ABCA13: variants seen among roughly 807,000 people sequenced by gnomAD.
The protein encoded by ABCA13 is ATP-binding cassette sub-family A member 13.
In ABCA13, 476 loss-of-function variants were observed where a neutral mutation model predicts 478.7. The observed-to-expected ratio is 0.99, with a 90% CI of 0.92 to 1.07. The LOEUF (loss-of-function observed/expected upper bound fraction) is 1.07, where lower values mean the gene tolerates loss of function less well. Ranked by LOEUF, ABCA13 falls within the 50% of genes least tolerant of loss-of-function variation. The pLI, the probability that ABCA13 is intolerant of heterozygous loss-of-function variation, is 0.00. For missense variants in ABCA13, 6,060 were observed against 5,910.6 expected (o/e 1.03, Z -0.83); for synonymous variants, 2,252 against 2,158.9 (o/e 1.04, Z -1.20).
rs766527119 is a variant in ABCA13 at position 48,455,137 on chromosome 7, C to T, written c.12666C>T (p.Ala4222=). 1.3e-6 allele frequency: 2 copies of T among 1,572,106 alleles called. No homozygotes were observed. Among genetic ancestry groups the T allele is most frequent in the Non-Finnish European group, 8.6e-7 (1 of 1,159,154 alleles). ...LARRLRRTLR[A]GKSTLADLLL... ...GGAGGCTCCGCCGCACGCTGCGCGC[C>T]GGGAAGAGCACCCTCGCCGACCTGC... is the stretch of plus-strand genomic sequence containing the variant. The change falls in exon 43 of 62, where the codon GCC becomes GCT. Residue 4222 remains alanine (A), a synonymous_variant. Coordinates refer to ENST00000435803, the MANE Select transcript of ABCA13 (RefSeq NM_152701.5).
Position 48,318,750 on chromosome 7 carries a change from G to C in ABCA13, c.9999+1454G>C, listed in dbSNP as rs965809191. On this transcript the variant is annotated intron_variant, in intron 27 of 61. Transcript: ENST00000435803. ...TTCCTTAGTGTAGTAAGCTTTTTAG[G>C]GTTTTGGATATTTAAGGAATTTCAC... Among the ~76,000 whole-genome samples, 3 of 151,656 alleles carry C rather than the reference G, an allele frequency of 2.0e-5. No homozygotes were observed. The East Asian group carries it at 5.8e-4, about 29-fold the overall frequency.
intron 39 of ABCA13, chr7:48,404,153 ATT>A: frequency 2.6e-6 from 1 of 380,100 alleles, no homozygotes. Flanking sequence ...TTCAAGGAAA[ATT>A]GTCTTCTTCT....
intron 27 of ABCA13, among the ~76,000 whole-genome samples, chr7:48,328,551 A>T (rs994513008): frequency 1.3e-5 from 2 of 152,314 alleles, no homozygotes; most frequent in Middle Eastern, 6.8e-3. Flanking sequence ...CTGTGAGACT[A>T]GATAATATCC....
intron 43 of ABCA13, among the ~76,000 whole-genome samples, chr7:48,455,792 G>A (rs73105512): frequency 7.2e-5 from 11 of 152,350 alleles, no homozygotes; most frequent in East Asian, 1.9e-4. Flanking sequence ...CCCAGGCTGG[G>A]GTCAATTGAG....
At chr7:48,462,729 G>A (rs1275126947) in intron 43 of ABCA13, among the ~76,000 whole-genome samples, 3 of 152,166 alleles carry the variant, frequency 2.0e-5, no homozygotes, top group African/African-American at 2.4e-5. Flanking sequence ...GGCTGGTCGC[G>A]AACTCCTGAC....
At chr7:48,232,725 A>G (rs1789339588) in intron 7 of ABCA13, among the ~76,000 whole-genome samples, 2 of 152,284 alleles carry the variant, frequency 1.3e-5, no homozygotes, top group South Asian at 4.1e-4. Context: ...AAGATTTTAT[A>G]CTTTTATAAG....
At chr7:48,591,060 A>G (rs1585905471) in intron 57 of ABCA13, among the ~76,000 whole-genome samples, 1 of 149,826 alleles carries the variant, frequency 6.7e-6, no homozygotes, top group Non-Finnish European at 1.5e-5. Context: ...GCCAAGACCA[A>G]TGTCAAGGAG....
At chr7:48,211,232 T>A (rs755068284) in intron 3 of ABCA13, among the ~76,000 whole-genome samples, 9 of 152,208 alleles carry the variant, frequency 5.9e-5, no homozygotes, top group Non-Finnish European at 1.2e-4. Context: ...CAGTCTGGGC[T>A]TGTTTGTACC....
chr7:48,480,395 A>T (rs1828636965), intron 45 of ABCA13, among the ~76,000 whole-genome samples: 1 of 152,262 alleles, frequency 6.6e-6, no homozygotes, highest in African/African-American at 2.4e-5. Flanking sequence ...TCAGAGACAG[A>T]GTCGTTTCCT....
chr7:48,512,774 C>T (rs917836097), intron 51 of ABCA13, among the ~76,000 whole-genome samples: 3 of 152,022 alleles, frequency 2.0e-5, no homozygotes, highest in African/African-American at 7.3e-5. Context: ...ACATAACTAC[C>T]ACATTTTTCA....
chr7:48,531,554 T>C lies in ABCA13; in HGVS notation c.14354+3209T>C, dbSNP rs149764599. Among the ~76,000 whole-genome samples, 431 of 152,236 alleles carry C rather than the reference T, an allele frequency of 2.8e-3. 13 individuals carry two copies. Among genetic ancestry groups the C allele is most frequent in the Admixed American group, 0.025 (379 of 15,298 alleles). On this transcript the variant is annotated intron_variant, in intron 55 of 61. Coordinates refer to ENST00000435803, the MANE Select transcript of ABCA13 (RefSeq NM_152701.5). ...AATGATGGTGGTATTTTGATGGGAATTCCACTGAAATTGTAGATTGCTTTT... is the reference window on the plus strand; with the variant it reads ...AATGATGGTGGTATTTTGATGGGAACTCCACTGAAATTGTAGATTGCTTTT...
chr7:48,259,490 G>A (rs1162177629), intron 15 of ABCA13, among the ~76,000 whole-genome samples: 2 of 152,026 alleles, frequency 1.3e-5, no homozygotes, highest in African/African-American at 2.4e-5. Context: ...CAGCTTATGG[G>A]TGTCATCGCA....
chr7:48,435,571 G>A (rs1306537515), intron 42 of ABCA13, among the ~76,000 whole-genome samples: 1 of 151,810 alleles, frequency 6.6e-6, no homozygotes, highest in Non-Finnish European at 1.5e-5. Flanking sequence ...AGTGGTGAAA[G>A]TGAGCATCTT....
intron 2 of ABCA13, among the ~76,000 whole-genome samples, chr7:48,194,025 TAACA>T (rs1178560508): frequency 1.8e-5 from 2 of 109,212 alleles, no homozygotes; most frequent in South Asian, 4.0e-4. Context: ...ATGATGGAGA[TAACA>T]GCAATAATAA....
At chr7:48,581,126 G>C (rs1052511347) in intron 56 of ABCA13, among the ~76,000 whole-genome samples, 2 of 152,072 alleles carry the variant, frequency 1.3e-5, no homozygotes, top group African/African-American at 4.8e-5. Context: ...TCTGGGGTGC[G>C]TGCTCCTCAG....
intron 27 of ABCA13, among the ~76,000 whole-genome samples, chr7:48,332,401 T>C (rs554918065): frequency 6.6e-6 from 1 of 152,358 alleles, no homozygotes; most frequent in Admixed American, 6.5e-5. Context: ...TTCATTGGCA[T>C]TGAGATTTTA....
chr7:48,575,276 T>C (rs974609332), intron 55 of ABCA13, among the ~76,000 whole-genome samples: 3 of 152,262 alleles, frequency 2.0e-5, no homozygotes, highest in African/African-American at 7.2e-5. Flanking sequence ...CTAAAAATTA[T>C]ACATGGATAT....
At chr7:48,454,973 G>A (rs1825485703) in intron 42 of ABCA13, 64 bp from the exon 43 acceptor site, 2 of 1,421,416 alleles carry the variant, frequency 1.4e-6, no homozygotes, top group Non-Finnish European at 1.8e-6. Flanking sequence ...GAGGGCAAAC[G>A]AGGCAAAGCG....
intron 19 of ABCA13, among the ~76,000 whole-genome samples, chr7:48,285,495 G>T (rs1797608824): frequency 6.6e-6 from 1 of 152,218 alleles, no homozygotes; most frequent in South Asian, 2.1e-4. Context: ...TTCAAGACGT[G>T]TTAGATGTGA....
Sources: allele counts gnomAD v4.1 joint callset (sites outside exome capture counted in the v4.1 genomes callset), GRCh38; gene constraint gnomAD v4.1.1; transcripts MANE v1.5; gene names NCBI Gene and HGNC (gene_info 2026-07-23, HGNC 2026-07-21).